The following KCNQ1 variants were observed in gnomAD, a reference collection of about 807,000 sequenced individuals.
The protein encoded by KCNQ1 is potassium voltage-gated channel subfamily Q member 1.
In KCNQ1, 49 loss-of-function variants were observed where a neutral mutation model predicts 72.4. The ratio of observed to expected loss-of-function variants is 0.68; its 90% confidence interval spans 0.54 to 0.86. The LOEUF (loss-of-function observed/expected upper bound fraction) is 0.86, where lower values mean the gene tolerates loss of function less well. Among genes scored for constraint, KCNQ1 ranks in the 40% least tolerant of loss-of-function variants. KCNQ1 has a pLI of 0.00. For missense variants in KCNQ1, 790 were observed against 945.1 expected, an observed-to-expected ratio of 0.84 and a Z score of 2.15; for synonymous variants, 450 against 412.6, an observed-to-expected ratio of 1.09 and a Z score of -1.10.
In KCNQ1 at chr11:2,652,500, TG is replaced by T; in HGVS notation, c.1394-9457del. 1 of 398,648 alleles carries T rather than the reference TG, an allele frequency of 2.5e-6. No homozygotes were observed. Among genetic ancestry groups the T allele is most frequent in the Non-Finnish European group, 4.4e-6 (1 of 226,062 alleles). The allele number at this position is 398,648 out of a possible 1,614,324, so 24.7% of individuals were successfully genotyped here. A position where few individuals can be genotyped will look rare whatever the true frequency, so the allele number is the denominator to read the frequency against. ...TCCTCCCCACCTCTCCAGAGGTTTC[TG>T]GGGAATGTCCTGTGAGCTCAACTCT... On this transcript the variant is annotated intron_variant, in intron 10 of 15. Transcript: ENST00000155840. The surrounding 1 kb of genome is among the most constrained non-coding windows in gnomAD (Gnocchi z 5.9).
At chr11:2,641,449 C>G in intron 10 of KCNQ1, 1 of 397,874 alleles carries the variant, frequency 2.5e-6, no homozygotes, top group Non-Finnish European at 4.4e-6. Flanking sequence ...TGAGAAATAT[C>G]TATCCATGTC....
chr11:2,691,547 T>A lies in KCNQ1; in HGVS notation c.1514+29466T>A, dbSNP rs1023660860. On this transcript the variant is annotated intron_variant, in intron 11 of 15. Coordinates refer to ENST00000155840, the MANE Select transcript of KCNQ1 (RefSeq NM_000218.3). The surrounding 1 kb of genome is among the most constrained non-coding windows in gnomAD (Gnocchi z 6.4). ...CATTAAAGTTGGGGGGATTTCTCTA[T>A]CCTGAGGTTATGAAATACCTCAGCA... 2.5e-6 allele frequency: 1 copy of A among 398,476 alleles called. No individual in the cohort carries two copies. Among genetic ancestry groups the A allele is most frequent in the Non-Finnish European group, 4.4e-6 (1 of 226,068 alleles). The allele number at this position is 398,476 out of a possible 1,614,324, so 24.7% of individuals were successfully genotyped here.
intron 10 of KCNQ1, chr11:2,610,730 T>G (rs1848966782): frequency 2.8e-6 from 1 of 357,786 alleles, no homozygotes; most frequent in East Asian, 4.0e-5. Flanking sequence ...TTTTTTTTTT[T>G]TTTTTTTTTT....
At position 2,624,652 on chromosome 11, in the gene KCNQ1, A is replaced by G. The variant is rs948368877; in HGVS notation, c.1393+35798A>G. 2.0e-5 allele frequency: 8 copies of G among 398,464 alleles called. No homozygotes were observed. Among genetic ancestry groups the G allele is most frequent in the African/African-American group, 1.0e-4 (5 of 48,634 alleles). 24.7% of individuals were successfully genotyped at this position (398,464 alleles called of 1,614,324 possible). Reference sequence around the variant, plus strand: ...AGTGAATGTATTAGATACGTTCACAATGCTGTGCAATCATCACTATCATCC... The same window carrying G: ...AGTGAATGTATTAGATACGTTCACAGTGCTGTGCAATCATCACTATCATCC... On this transcript the variant is annotated intron_variant, in intron 10 of 15. Transcript: ENST00000155840. The surrounding 1 kb of genome is among the most constrained non-coding windows in gnomAD (Gnocchi z 4.9).
At position 2,538,535 on chromosome 11, in the gene KCNQ1, G is replaced by A. The variant is rs1179090730; in HGVS notation, c.477+10517G>A. ...CCTGTCTGAAGGCAGCTGCTTGGGAGGAGGACAGCTGACATTCTTTCATGC... is the reference window on the plus strand; with the variant it reads ...CCTGTCTGAAGGCAGCTGCTTGGGAAGAGGACAGCTGACATTCTTTCATGC... On this transcript the variant is annotated intron_variant, in intron 2 of 15. Transcript: ENST00000155840. This position sits in a 1 kb window ranked among gnomAD's most constrained non-coding sequence, Gnocchi z 6.7. 2.0e-5 allele frequency among the ~76,000 whole-genome samples: 3 copies of A among 152,210 alleles called. No homozygotes were observed. The highest frequency in any genetic ancestry group is 2.9e-5 in the Non-Finnish European group (2 of 68,044).
Position 2,478,652 on chromosome 11 carries a change from A to G in KCNQ1, c.386+33168A>G, listed in dbSNP as rs1312712279. Among the ~76,000 whole-genome samples, 1 of 152,198 alleles carries G rather than the reference A, an allele frequency of 6.6e-6. No homozygotes were observed. The highest frequency in any genetic ancestry group is 1.9e-4 in the East Asian group (1 of 5,186). ...ATGACACGTGGGAATTATGGGAGCT[A>G]CAATTCACGATGAGATTTGGGTGGG... On this transcript the variant is annotated intron_variant, in intron 1 of 15. Transcript: ENST00000155840. The surrounding 1 kb of genome is among the most constrained non-coding windows in gnomAD (Gnocchi z 4.0).
At chr11:2,801,396 A>G (rs1459104327) in intron 15 of KCNQ1, among the ~76,000 whole-genome samples, 2 of 152,164 alleles carry the variant, frequency 1.3e-5, no homozygotes, top group African/African-American at 4.8e-5. Flanking sequence ...AGACCAGGGG[A>G]CTTAGGTGAG....
At chr11:2,738,513 A>G (rs913880872) in intron 11 of KCNQ1, among the ~76,000 whole-genome samples, 9 of 152,180 alleles carry the variant, frequency 5.9e-5, no homozygotes, top group Non-Finnish European at 1.2e-4. Flanking sequence ...CCCTGGCCAG[A>G]GCCATGGCCA....
At position 2,679,107 on chromosome 11, in the gene KCNQ1, G is replaced by A. The variant is rs933567426; in HGVS notation, c.1514+17026G>A. ...GTGTCATAGCTAGAGCTAGAGTGCT[G>A]TTATAAGCTGTGCAGGCCAAAATGG... is the stretch of plus-strand genomic sequence containing the variant. On this transcript the variant is annotated intron_variant, in intron 11 of 15. Transcript: ENST00000155840. This position sits in a 1 kb window ranked among gnomAD's most constrained non-coding sequence, Gnocchi z 4.8. 1 of 398,666 alleles carries A rather than the reference G, an allele frequency of 2.5e-6. No homozygotes were observed. The highest frequency in any genetic ancestry group is 4.4e-6 in the Non-Finnish European group (1 of 226,066). 24.7% of individuals were successfully genotyped at this position (398,666 alleles called of 1,614,324 possible). A position where few individuals can be genotyped will look rare whatever the true frequency, so the allele number is the denominator to read the frequency against.
chr11:2,572,835 T>C lies in KCNQ1; in HGVS notation c.781-11T>C. 1 of 1,613,698 alleles carries C rather than the reference T, an allele frequency of 6.2e-7. No individual in the cohort carries two copies. The highest frequency in any genetic ancestry group is 1.3e-5 in the African/African-American group (1 of 75,080). The stretch of plus-strand genomic sequence containing the variant: ...TTCCTGGAGCCCGACACTGTGTGTT[T>C]TCTGGCCTAGGAGCTGATAACCACC... On this transcript the variant is annotated splice_polypyrimidine_tract_variant and intron_variant, in intron 5 of 15. Coordinates refer to ENST00000155840, the MANE Select transcript of KCNQ1 (RefSeq NM_000218.3).
intron 2 of KCNQ1, among the ~76,000 whole-genome samples, chr11:2,534,503 C>A (rs1013904118): frequency 8.5e-5 from 13 of 152,238 alleles, no homozygotes; most frequent in African/African-American, 2.9e-4. Flanking sequence ...GGGTTGTCTT[C>A]CTCCCTGCCT....
chr11:2,485,343 C>T (rs902360785), intron 1 of KCNQ1, among the ~76,000 whole-genome samples: 2 of 150,984 alleles, frequency 1.3e-5, no homozygotes, highest in Admixed American at 6.6e-5. Flanking sequence ...ACCCTGCCAG[C>T]CCTTCCCTCC....
chr11:2,584,089 C>T (rs973049227), intron 7 of KCNQ1, among the ~76,000 whole-genome samples: 3 of 152,072 alleles, frequency 2.0e-5, no homozygotes, highest in Non-Finnish European at 4.4e-5. Flanking sequence ...ATATGTATCA[C>T]ATGGGTGTGT....
rs891347541 is a variant in KCNQ1, at chr11:2,734,648, C to T, written c.1515-34196C>T. Among the ~76,000 whole-genome samples the T allele has an allele frequency of 2.8e-4, 43 of 151,888 alleles. 1 individual carries two copies. The highest frequency in any genetic ancestry group is 2.5e-3 in the Admixed American group (38 of 15,282). On this transcript the variant is annotated intron_variant, in intron 11 of 15. Transcript: ENST00000155840. The surrounding 1 kb of genome is among the most constrained non-coding windows in gnomAD (Gnocchi z 7.0). ...AGGACTGGAGAGTAGGAGCAGGTCT[C>T]GGGGGTAGCTTCCTGAAGAGATGAG...
chr11:2,655,707 C>G, intron 10 of KCNQ1: 1 of 395,868 alleles, frequency 2.5e-6, no homozygotes, highest in South Asian at 1.3e-4. Flanking sequence ...CCTCCATGCT[C>G]TCCTAGATGC....
At chr11:2,505,055 AT>A (rs113518709) in intron 1 of KCNQ1, among the ~76,000 whole-genome samples, 10,120 of 142,530 alleles carry the variant, frequency 0.071, 926 homozygotes, top group African/African-American at 0.22. Context: ...TTCCCTTCTG[AT>A]TTTTTTTTTT....
chr11:2,625,578 C>CT (rs35148119), intron 10 of KCNQ1: 359 of 346,974 alleles, frequency 1.0e-3, no homozygotes, highest in South Asian at 5.6e-3. Context: ...GTCCTTTGCC[C>CT]TTTTTTTTTT....
In KCNQ1 at chr11:2,577,759, G is replaced by C. The variant is rs140139619; in HGVS notation, c.921+4773G>C. On this transcript the variant is annotated intron_variant, in intron 6 of 15. Transcript: ENST00000155840. The stretch of plus-strand genomic sequence containing the variant: ...CTGAGAGACAGGCCGGAGTCTCCAG[G>C]GCGGCCCCACGGGGGCTGGGCGTCC... 9.9e-3 allele frequency among the ~76,000 whole-genome samples: 1,500 copies of C among 152,264 alleles called. 14 individuals carry two copies. Among genetic ancestry groups the C allele is most frequent in the African/African-American group, 0.031 (1,308 of 41,544 alleles).
intron 10 of KCNQ1, chr11:2,632,521 T>A (rs982498917): frequency 2.5e-6 from 1 of 398,406 alleles, no homozygotes. Context: ...TTTTTCTTTG[T>A]CCTTTTATTT....
Sources: gnomAD v4.1 joint callset for allele counts (sites outside exome capture counted in the v4.1 genomes callset) on GRCh38, gnomAD v4.1.1 for gene constraint, Gnocchi (gnomAD v3.1) non-coding constraint, MANE v1.5 for transcripts, NCBI Gene and HGNC (gene_info 2026-07-23, HGNC 2026-07-21) for gene names.